Variants in TAF1D observed in about 807,000 individuals in gnomAD.
The protein encoded by TAF1D is TATA box-binding protein-associated factor RNA polymerase I subunit D.
A neutral mutation model predicts 26.2 loss-of-function variants in TAF1D; 23 were observed. The ratio of observed to expected loss-of-function variants is 0.88; its 90% CI spans 0.63 to 1.25. The LOEUF is 1.25. TAF1D is among the 50% of genes most tolerant of loss of function. The pLI is 0.00. For missense variants in TAF1D, 299 were observed against 322.0 expected, an observed-to-expected ratio of 0.93 and a Z score of 0.55; for synonymous variants, 100 against 105.6, an observed-to-expected ratio of 0.95 and a Z score of 0.33.
chr11:93,733,230 C>G (rs746875603), downstream of TAF1D: 2 of 519,024 alleles, frequency 3.9e-6, no homozygotes, highest in Non-Finnish European at 7.7e-6. Context: ...ATATCCAGCT[C>G]TGTCAGAATT....
chr11:93,730,560 T>G (rs1938380969), exon 12 of TAF1D: 3 of 638,236 alleles, frequency 4.7e-6, no homozygotes, highest in Admixed American at 3.6e-5. Flanking sequence ...AGGAGTGCTA[T>G]GGCTTCCTAT....
At chr11:93,732,856 G>A (rs1411637652), downstream of TAF1D, 4 of 232,164 alleles carry the variant, frequency 1.7e-5, no homozygotes, top group South Asian at 2.1e-4. Context: ...ACTTTAGGAT[G>A]AAATATGTGT....
At chr11:93,736,878 GT>G (rs1940913364) in intron 4 of TAF1D, 127 bp from the exon 5 acceptor site, 1 of 1,201,956 alleles carries the variant, frequency 8.3e-7, no homozygotes, top group African/African-American at 1.6e-5. Context: ...TGAGAATTTT[GT>G]GTTCTGGAGA....
Position 93,736,709 on chromosome 11 carries a change from A to G in TAF1D, c.678T>C (p.Cys226=), listed in dbSNP as rs1411184598. The part of the protein sequence containing the change: ...EDATHLEDNE[C]DIKLAGDSFI... Reference sequence around the variant, plus strand: ...AGTCACTTACTGCCAATTTGATATCACATTCGTTATCTTCAAGATGTGTTG... The same window carrying G: ...AGTCACTTACTGCCAATTTGATATCGCATTCGTTATCTTCAAGATGTGTTG... The change falls in exon 5 of 6, where the codon TGT becomes TGC. Residue 226 remains cysteine (C), a synonymous_variant. Transcript: ENST00000448108. The G allele has an allele frequency of 6.2e-7, 1 of 1,611,696 alleles. No individual in the cohort carries two copies. The highest frequency in any genetic ancestry group is 1.1e-5 in the South Asian group (1 of 90,466).
At chr11:93,730,599 T>C (rs747038865), downstream of TAF1D, 8 of 586,426 alleles carry the variant, frequency 1.4e-5, no homozygotes, top group Admixed American at 5.6e-5. Flanking sequence ...GTCACAGCGT[T>C]AAGAGCTCTG....
At chr11:93,730,723 A>G (rs188548356), downstream of TAF1D, 3,136 of 496,934 alleles carry the variant, frequency 6.3e-3, 25 homozygotes, top group South Asian at 0.013. Context: ...CTACATAACA[A>G]TAGTATAAAA....
In TAF1D at chr11:93,736,850, C is replaced by T. The variant is rs1940907615; in HGVS notation, c.636-99G>A. The T allele has an allele frequency of 1.5e-5, 20 of 1,342,446 alleles. No individual in the cohort carries two copies. The East Asian group carries it at 4.3e-4, about 29-fold the overall frequency. The allele number at this position is 1,342,446 out of a possible 1,614,324, so 83.2% of individuals were successfully genotyped here. A position where few individuals can be genotyped will look rare whatever the true frequency, so the allele number is the denominator to read the frequency against. The stretch of plus-strand genomic sequence containing the variant: ...ATATAACTGAAACTGCAATACTAGT[C>T]AAAGGAAACACAAAATTTGAGAATT... On this transcript the variant is annotated intron_variant, in intron 4 of 5. Transcript: ENST00000448108.
In TAF1D at chr11:93,738,277, CCT is replaced by C. The variant is rs1486051972; in HGVS notation, c.289_290del (p.Arg97GlufsTer25). 2 of 1,611,394 alleles carry C rather than the reference CCT, an allele frequency of 1.2e-6. No homozygotes were observed. Among genetic ancestry groups the C allele is most frequent in the Non-Finnish European group, 1.7e-6 (2 of 1,179,460 alleles). On this transcript the variant is annotated frameshift_variant, in exon 3 of 6. Coordinates refer to ENST00000448108, the MANE Select transcript of TAF1D (RefSeq NM_024116.4). LOFTEE classifies it high-confidence loss of function. The part of the protein sequence containing the change: ...RKKRYKKKKK[R>X]RYQPTGRPRG... Reference sequence around the variant, plus strand: ...GTGGTCTTCCTGTTGGCTGGTACCTCCTCTTTTTCTTTTTTTTATATCTCTTT... The same window carrying C: ...GTGGTCTTCCTGTTGGCTGGTACCTCCTTTTTCTTTTTTTTATATCTCTTT...
chr11:93,737,336 ACT>A (rs1207788549), intron 3 of TAF1D, 97 bp from the exon 4 acceptor site: 2 of 770,234 alleles, frequency 2.6e-6, no homozygotes, highest in South Asian at 2.3e-5. Context: ...CTTAGCAAAG[ACT>A]CTGAATTTGC....
At chr11:93,738,857 A>G in intron 2 of TAF1D, 2 of 307,360 alleles carry the variant, frequency 6.5e-6, no homozygotes, top group South Asian at 1.0e-4. Flanking sequence ...ATGCACCACT[A>G]TGCTCAGCTT....
At chr11:93,734,851 G>A, downstream of TAF1D, 1 of 937,840 alleles carries the variant, frequency 1.1e-6, no homozygotes, top group Non-Finnish European at 1.4e-6. Flanking sequence ...TCAAAGCTCA[G>A]TGCAGCCTCC....
At chr11:93,733,454 CA>C (rs1338338326), downstream of TAF1D, 1 of 518,168 alleles carries the variant, frequency 1.9e-6, no homozygotes, top group South Asian at 1.4e-5. Flanking sequence ...CCGTCTTTTT[CA>C]AACTTTTAGC....
intron 1 of TAF1D, among the ~76,000 whole-genome samples, chr11:93,740,433 G>GAAAAAA (rs59420824): frequency 1.7e-4 from 8 of 48,430 alleles, no homozygotes; most frequent in African/African-American, 5.0e-4. Flanking sequence ...CCTGTCTCAG[G>GAAAAAA]AAAAAAAAAA....
At chr11:93,740,173 T>C (rs1052797018) in intron 1 of TAF1D, among the ~76,000 whole-genome samples, 2 of 151,238 alleles carry the variant, frequency 1.3e-5, no homozygotes, top group African/African-American at 2.4e-5. Context: ...GCCAGAATAG[T>C]GGCGCGCGCC....
At chr11:93,734,622 T>C (rs1167959465), downstream of TAF1D, 6 of 775,530 alleles carry the variant, frequency 7.7e-6, no homozygotes, top group Admixed American at 2.3e-5. Flanking sequence ...AATTGAGACA[T>C]ACCTTTAACT....
chr11:93,736,531 C>CTA, intron 5 of TAF1D, 163 bp downstream of exon 5: 1 of 1,422,234 alleles, frequency 7.0e-7, no homozygotes, highest in Non-Finnish European at 9.2e-7. Flanking sequence ...TGTTCTTTAT[C>CTA]AAGTCTCTAA....
At chr11:93,739,912 A>G (rs1941473896) in intron 1 of TAF1D, among the ~76,000 whole-genome samples, 1 of 143,756 alleles carries the variant, frequency 7.0e-6, no homozygotes, top group Non-Finnish European at 1.5e-5. Context: ...TCAATGAACT[A>G]TCATAATTCT....
chr11:93,734,696 A>G (rs1468905224), downstream of TAF1D: 5 of 1,282,262 alleles, frequency 3.9e-6, no homozygotes, highest in Admixed American at 6.9e-5. Flanking sequence ...TATCATCAAC[A>G]TGAAATTGGA....
At chr11:93,732,357 C>T (rs752118199), downstream of TAF1D, 43 of 518,420 alleles carry the variant, frequency 8.3e-5, no homozygotes, top group African/African-American at 7.9e-4. Context: ...GAAACCTACA[C>T]AAATACTGTA....
Sources: allele counts gnomAD v4.1 joint callset (sites outside exome capture counted in the v4.1 genomes callset), GRCh38; gene constraint gnomAD v4.1.1; transcripts MANE v1.5; gene names NCBI Gene and HGNC (gene_info 2026-07-23, HGNC 2026-07-21).